FARS2: variants seen among roughly 807,000 people sequenced by gnomAD.
FARS2 encodes the protein phenylalanine--tRNA ligase, mitochondrial.
Under a neutral mutation model 46.4 loss-of-function variants are expected in FARS2, and 40 were observed. The observed-to-expected ratio is 0.86, with a 90% CI of 0.67 to 1.12. FARS2 has a LOEUF of 1.12. Among genes scored for constraint, FARS2 ranks in the 50% most tolerant of loss-of-function variants. The probability of loss-of-function intolerance (pLI) is 0.00; values close to 1 mark genes in which losing one functional copy is unlikely to be tolerated. For missense variants in FARS2, 513 were observed against 567.9 expected (o/e 0.90, Z 0.98); for synonymous variants, 234 against 214.9 (o/e 1.09, Z -0.78).
At chr6:5,760,677 C>A (rs1469694064) in intron 6 of FARS2, among the ~76,000 whole-genome samples, 1 of 152,220 alleles carries the variant, frequency 6.6e-6, no homozygotes, top group Non-Finnish European at 1.5e-5. Flanking sequence ...CGTCTGTACA[C>A]GCAGACCAGC....
intron 4 of FARS2, among the ~76,000 whole-genome samples, chr6:5,463,358 C>G (rs1389113889): frequency 6.6e-6 from 1 of 152,170 alleles, no homozygotes; most frequent in Non-Finnish European, 1.5e-5. Context: ...AGAAGGCTTT[C>G]AGGAACCTTT....
chr6:5,577,516 G>C (rs578181995), intron 5 of FARS2, among the ~76,000 whole-genome samples: 1 of 152,124 alleles, frequency 6.6e-6, no homozygotes, highest in Non-Finnish European at 1.5e-5. Flanking sequence ...GACTGAACTC[G>C]TGGCCAGGGC....
chr6:5,656,827 G>A (rs957630482), intron 6 of FARS2, among the ~76,000 whole-genome samples: 1 of 152,076 alleles, frequency 6.6e-6, no homozygotes, highest in Non-Finnish European at 1.5e-5. Flanking sequence ...GGGATTACGG[G>A]TGTGAGCCAC....
At position 5,507,728 on chromosome 6, in the gene FARS2, C is replaced by T. The variant is rs112519692; in HGVS notation, c.905-37452C>T. On this transcript the variant is annotated intron_variant, in intron 4 of 6. Coordinates refer to ENST00000274680, the MANE Select transcript of FARS2 (RefSeq NM_006567.5). ...CCCAGCCCACCTCTCAGTGGCCTCC[C>T]GGCTAGTGGGTCAGACTGCGGACAC... Among the ~76,000 whole-genome samples, 173 of 152,304 alleles carry T rather than the reference C, an allele frequency of 1.1e-3. 3 individuals carry two copies. Among genetic ancestry groups the T allele is most frequent in the African/African-American group, 3.9e-3 (163 of 41,566 alleles).
At chr6:5,269,950 A>G (rs1765830964) in intron 1 of FARS2, among the ~76,000 whole-genome samples, 1 of 152,230 alleles carries the variant, frequency 6.6e-6, no homozygotes, top group South Asian at 2.1e-4. Context: ...TCAGCCTGGC[A>G]AACTTGTAAT....
At chr6:5,675,147 G>C (rs1175597727) in intron 6 of FARS2, among the ~76,000 whole-genome samples, 1 of 151,848 alleles carries the variant, frequency 6.6e-6, no homozygotes, top group African/African-American at 2.4e-5. Context: ...GTTTGATAAA[G>C]TTGCATATAT....
At chr6:5,336,983 A>G (rs1240043026) in intron 1 of FARS2, among the ~76,000 whole-genome samples, 1 of 151,378 alleles carries the variant, frequency 6.6e-6, no homozygotes, top group Non-Finnish European at 1.5e-5. Flanking sequence ...AATTACCAGT[A>G]TTTTTTATTT....
intron 1 of FARS2, among the ~76,000 whole-genome samples, chr6:5,299,983 TTTTA>T (rs2127531530): frequency 6.6e-6 from 1 of 152,332 alleles, no homozygotes; most frequent in African/African-American, 2.4e-5. Context: ...TATTTGCCTT[TTTTA>T]TTTATATATG....
intron 1 of FARS2, among the ~76,000 whole-genome samples, chr6:5,303,516 C>T (rs755157522): frequency 5.3e-5 from 8 of 151,984 alleles, no homozygotes; most frequent in African/African-American, 1.7e-4. Context: ...TGTGTCAGCT[C>T]GGGAGAGCCG....
chr6:5,394,686 G>A (rs536509022), intron 2 of FARS2, among the ~76,000 whole-genome samples: 1 of 152,102 alleles, frequency 6.6e-6, no homozygotes, highest in East Asian at 1.9e-4. Flanking sequence ...TGTACCTTCT[G>A]TAAGTGACAT....
At chr6:5,320,271 G>A (rs186250913) in intron 1 of FARS2, among the ~76,000 whole-genome samples, 13 of 151,760 alleles carry the variant, frequency 8.6e-5, no homozygotes, top group South Asian at 4.2e-4. Context: ...TCTCCCTAAC[G>A]ATCTGCTGCT....
intron 1 of FARS2, among the ~76,000 whole-genome samples, chr6:5,271,230 G>A (rs986444156): frequency 1.3e-5 from 2 of 152,090 alleles, no homozygotes; most frequent in Non-Finnish European, 2.9e-5. Context: ...TCGGTTATGG[G>A]AAACCATCAA....
At chr6:5,678,956 A>G (rs571240546) in intron 6 of FARS2, among the ~76,000 whole-genome samples, 12 of 152,270 alleles carry the variant, frequency 7.9e-5, no homozygotes, top group African/African-American at 1.9e-4. Context: ...TGTCTGTTTT[A>G]TGACCTGGTG....
chr6:5,411,833 G>A (rs1028530018), intron 3 of FARS2, among the ~76,000 whole-genome samples: 3 of 152,144 alleles, frequency 2.0e-5, no homozygotes, highest in African/African-American at 7.2e-5. Context: ...TGTGGATTTT[G>A]TTGTCATTTT....
At chr6:5,481,032 G>A (rs1490720797) in intron 4 of FARS2, among the ~76,000 whole-genome samples, 1 of 152,244 alleles carries the variant, frequency 6.6e-6, no homozygotes, top group African/African-American at 2.4e-5. Flanking sequence ...AACAGTCTTT[G>A]CAGTTAGCCT....
chr6:5,582,470 C>T (rs1326243088), intron 5 of FARS2, among the ~76,000 whole-genome samples: 1 of 152,194 alleles, frequency 6.6e-6, no homozygotes, highest in Non-Finnish European at 1.5e-5. Flanking sequence ...AAAGAAAGTA[C>T]GAAGAGTGTC....
Position 5,630,733 on chromosome 6 carries a change from A to T in FARS2, c.1217+17413A>T, listed in dbSNP as rs1443109524. ...GAGAAGGGAGAATTACACAGACGTG[A>T]TGATTGGCTATCAGAGTTCCCCAGC... On this transcript the variant is annotated intron_variant, in intron 6 of 6. Transcript: ENST00000274680. This position sits in a 1 kb window ranked among gnomAD's most constrained non-coding sequence, Gnocchi z 4.2. 6.6e-6 allele frequency among the ~76,000 whole-genome samples: 1 copy of T among 152,214 alleles called. No individual in the cohort carries two copies. The highest frequency in any genetic ancestry group is 1.5e-5 in the Non-Finnish European group (1 of 68,038).
chr6:5,435,863 C>T (rs1464201748), intron 4 of FARS2, among the ~76,000 whole-genome samples: 2 of 152,166 alleles, frequency 1.3e-5, no homozygotes, highest in East Asian at 1.9e-4. Context: ...GTGAAATTAC[C>T]TTCCTTACCT....
chr6:5,759,146 T>C (rs1762361295), intron 6 of FARS2, among the ~76,000 whole-genome samples: 1 of 152,068 alleles, frequency 6.6e-6, no homozygotes, highest in Non-Finnish European at 1.5e-5. Context: ...AGAATGGGAA[T>C]TTAAACTCAG....
Sources: allele counts gnomAD v4.1 joint callset (sites outside exome capture counted in the v4.1 genomes callset), GRCh38; gene constraint gnomAD v4.1.1; non-coding constraint Gnocchi (gnomAD v3.1); transcripts MANE v1.5; gene names NCBI Gene and HGNC (gene_info 2026-07-23, HGNC 2026-07-21).